OVGP1: variants seen among roughly 807,000 people sequenced by gnomAD.
The protein encoded by OVGP1 is oviduct-specific glycoprotein.
A neutral mutation model predicts 48.2 loss-of-function variants in OVGP1; 26 were observed. The ratio of observed to expected loss-of-function variants is 0.54; its 90% CI spans 0.40 to 0.75. The LOEUF (loss-of-function observed/expected upper bound fraction) is 0.75. Ranked by LOEUF, OVGP1 falls within the 30% of genes least tolerant of loss-of-function variation. OVGP1 has a pLI of 0.00. For synonymous variants in OVGP1, 294 were observed against 305.7 expected, an observed-to-expected ratio of 0.96 and a Z score of 0.40; for missense variants, 791 against 820.6, an observed-to-expected ratio of 0.96 and a Z score of 0.44.
intron 9 of OVGP1, among the ~76,000 whole-genome samples, chr1:111,417,464 G>A (rs539838124): frequency 3.9e-5 from 6 of 152,346 alleles, no homozygotes; most frequent in African/African-American, 1.4e-4. Flanking sequence ...ATAGCTGTGT[G>A]CCTTAGCCAA....
intron 7 of OVGP1, 44 bp downstream of exon 7, chr1:111,421,521 G>C (rs551388650): frequency 1.2e-6 from 2 of 1,608,248 alleles, no homozygotes; most frequent in Admixed American, 1.7e-5. Context: ...CCTGAGCTCA[G>C]GGGGGCAGAT....
chr1:111,419,571 G>A, intron 9 of OVGP1, 39 bp downstream of exon 9: 1 of 1,212,360 alleles, frequency 8.2e-7, no homozygotes, highest in Non-Finnish European at 1.2e-6. Flanking sequence ...AAACCGGTAG[G>A]AAACCATGTG....
In OVGP1 at chr1:111,414,932, G is replaced by C; in HGVS notation, c.1569C>G (p.Thr523=). 1 of 800,312 alleles carries C rather than the reference G, an allele frequency of 1.2e-6. No homozygotes were observed. Among genetic ancestry groups the C allele is most frequent in the South Asian group, 2.4e-5 (1 of 41,586 alleles). 49.6% of individuals were successfully genotyped at this position (800,312 alleles called of 1,614,324 possible). Residue 523 remains threonine (T), a synonymous_variant, in exon 11 of 11, where the codon ACC becomes ACG. Coordinates refer to ENST00000369732, the MANE Select transcript of OVGP1 (RefSeq NM_002557.4). ...GYQSVTPGEK[T]LTPVGHQSVT... is the part of the protein sequence containing the mutation. ...CAGACTGATGACCCACAGGGGTCAG[G>C]GTCTTTTCCCCAGGGGTCACAGACT...
intron 10 of OVGP1, among the ~76,000 whole-genome samples, chr1:111,415,584 C>A (rs1652114876): frequency 6.6e-6 from 1 of 152,214 alleles, no homozygotes. Flanking sequence ...GGATTTGCTA[C>A]ATTTTCCATG....
intron 9 of OVGP1, 30 bp from the exon 10 acceptor site, chr1:111,416,488 G>A: frequency 6.3e-7 from 1 of 1,581,846 alleles, no homozygotes; most frequent in Non-Finnish European, 8.6e-7. Context: ...TCAACCTGCT[G>A]TACTTGTCAG....
At chr1:111,425,749 T>C (rs1652383671) in intron 3 of OVGP1, among the ~76,000 whole-genome samples, 1 of 152,214 alleles carries the variant, frequency 6.6e-6, no homozygotes, top group African/African-American at 2.4e-5. Flanking sequence ...TTTCTCTTTT[T>C]CCTATTCAAC....
rs1469510635 is a variant in OVGP1 at position 111,419,655 on chromosome 1, C to T, written c.975G>A (p.Gly325=). The T allele has an allele frequency of 6.2e-7, 1 of 1,613,568 alleles. No homozygotes were observed. Among genetic ancestry groups the T allele is most frequent in the Admixed American group, 1.7e-5 (1 of 60,030 alleles). The change falls in exon 9 of 11, where the codon GGG becomes GGA. Residue 325 remains glycine (G), a synonymous_variant. Transcript: ENST00000369732. ...DYQYVPYANK[G]KEWVGYDNAI... is the part of the protein sequence containing the mutation. ...CATTGTCATAGCCAACCCACTCTTTCCCCTTGTTGGCATACGGGACATACT... is the reference window on the plus strand; with the variant it reads ...CATTGTCATAGCCAACCCACTCTTTTCCCTTGTTGGCATACGGGACATACT...
Position 111,414,390 on chromosome 1 carries a change from G to T in OVGP1, c.*74C>A. 7.3e-7 allele frequency: 1 copy of T among 1,366,912 alleles called. No individual in the cohort carries two copies. Among genetic ancestry groups the T allele is most frequent in the Non-Finnish European group, 1.0e-6 (1 of 1,004,510 alleles). The allele number at this position is 1,366,912 out of a possible 1,614,324, so 84.7% of individuals were successfully genotyped here. On this transcript the variant is annotated 3_prime_UTR_variant, in exon 11 of 11. Transcript: ENST00000369732. ...TGGTTTTGATGCCTGCTTTGCCCCGGGATGAGAAGGCTTCCAACATGTCAC... is the reference window on the plus strand; with the variant it reads ...TGGTTTTGATGCCTGCTTTGCCCCGTGATGAGAAGGCTTCCAACATGTCAC...
In OVGP1 at chr1:111,414,599, A is replaced by C; in HGVS notation, c.1902T>G (p.Thr634=). 6.2e-7 allele frequency: 1 copy of C among 1,614,156 alleles called. No homozygotes were observed. The highest frequency in any genetic ancestry group is 1.1e-5 in the South Asian group (1 of 91,082). The part of the protein sequence containing the change: ...SSPVIQLPEQ[T]PLAFDNRFVP... ...CAAAGCGGTTGTCAAAAGCTAGAGG[A>C]GTTTGTTCCGGGAGCTGGATGACGG... is the stretch of plus-strand genomic sequence containing the variant. Residue 634 remains threonine, a synonymous_variant, in exon 11 of 11, where the codon ACT becomes ACG. Transcript: ENST00000369732.
chr1:111,416,231 C>A, intron 10 of OVGP1, 92 bp downstream of exon 10: 1 of 1,328,156 alleles, frequency 7.5e-7, no homozygotes, highest in South Asian at 2.1e-5. Context: ...TGTCATGTTG[C>A]CTCACCAAGG....
At position 111,414,366 on chromosome 1, in the gene OVGP1, G is replaced by T. The variant is rs41282506; in HGVS notation, c.*98C>A. 4,506 of 1,043,404 alleles carry T rather than the reference G, an allele frequency of 4.3e-3. 18 individuals are homozygous for T. The highest frequency in any genetic ancestry group is 5.7e-3 in the Non-Finnish European group (4,080 of 716,824). The allele number at this position is 1,043,404 out of a possible 1,614,324, so 64.6% of individuals were successfully genotyped here. On this transcript the variant is annotated 3_prime_UTR_variant, in exon 11 of 11. Transcript: ENST00000369732. The stretch of plus-strand genomic sequence containing the variant: ...AATGGAAAAGAGATTGGCCTATTCT[G>T]GTTTTGATGCCTGCTTTGCCCCGGG...
Position 111,415,247 on chromosome 1 carries a change from G to A in OVGP1, c.1254C>T (p.Thr418=), listed in dbSNP as rs972099255. 1.2e-6 allele frequency: 2 copies of A among 1,614,056 alleles called. No homozygotes were observed. Among genetic ancestry groups the A allele is most frequent in the African/African-American group, 2.7e-5 (2 of 74,904 alleles). Reference sequence around the variant, plus strand: ...CTGGGGGCAAAATCTTACTATCAGTGGTCCATGCCGTGGTCACAGCCAGCC... The same window carrying A: ...CTGGGGGCAAAATCTTACTATCAGTAGTCCATGCCGTGGTCACAGCCAGCC... The part of the protein sequence containing the change: ...PERLAVTTAW[T]TDSKILPPGG... The change falls in exon 11 of 11, where the codon ACC becomes ACT. Residue 418 remains threonine (T), a synonymous_variant. Coordinates refer to ENST00000369732, the MANE Select transcript of OVGP1 (RefSeq NM_002557.4).
At chr1:111,424,885 C>T (rs963770474) in intron 4 of OVGP1, among the ~76,000 whole-genome samples, 1 of 152,354 alleles carries the variant, frequency 6.6e-6, no homozygotes, top group South Asian at 2.1e-4. Flanking sequence ...CACGTTGTCT[C>T]ATGGAGATTG....
intron 5 of OVGP1, among the ~76,000 whole-genome samples, chr1:111,423,271 C>A (rs1340159974): frequency 6.6e-6 from 1 of 152,154 alleles, no homozygotes; most frequent in African/African-American, 2.4e-5. Flanking sequence ...GGCTCAGAAG[C>A]ACAGAATTCA....
intron 4 of OVGP1, 98 bp from the exon 5 acceptor site, chr1:111,423,806 C>A: frequency 1.7e-6 from 2 of 1,173,220 alleles, no homozygotes; most frequent in Non-Finnish European, 1.2e-6. Context: ...GTGGGCCTGG[C>A]AGATGTGGCT....
At chr1:111,416,742 C>T (rs779426197) in intron 9 of OVGP1, 7 of 278,816 alleles carry the variant, frequency 2.5e-5, no homozygotes, top group East Asian at 6.1e-5. Flanking sequence ...ATATTACATA[C>T]GATATGGATG....
chr1:111,414,697 C>T lies in OVGP1; in HGVS notation c.1804G>A (p.Gly602Ser), dbSNP rs753105852. The T allele has an allele frequency of 3.4e-5, 55 of 1,613,836 alleles. No individual in the cohort carries two copies. Among genetic ancestry groups the T allele is most frequent in the Non-Finnish European group, 4.4e-5 (52 of 1,179,850 alleles). Reference protein sequence around the residue: ...LRGENLTSEVGTHPRMGNLGL... With the variant: ...LRGENLTSEVSTHPRMGNLGL... ...AAGTTACCCATCCTGGGGTGAGTGCCCACCTCAGAAGTCAAATTCTCCCCT... is the reference window on the plus strand; with the variant it reads ...AAGTTACCCATCCTGGGGTGAGTGCTCACCTCAGAAGTCAAATTCTCCCCT... The change falls in exon 11 of 11, where the codon GGC becomes AGC. Residue 602 changes from glycine (G) to serine (S), a missense_variant. By Grantham distance (56) the Gly-to-Ser change is moderately conservative (BLOSUM62 0). Coordinates refer to ENST00000369732, the MANE Select transcript of OVGP1 (RefSeq NM_002557.4).
Position 111,414,609 on chromosome 1 carries a change from G to A in OVGP1, c.1892C>T (p.Pro631Leu), listed in dbSNP as rs1334653489. ...GTCAAAAGCTAGAGGAGTTTGTTCCGGGAGCTGGATGACGGGGCTGGAGGA... is the reference window on the plus strand; with the variant it reads ...GTCAAAAGCTAGAGGAGTTTGTTCCAGGAGCTGGATGACGGGGCTGGAGGA... ...MLSSSPVIQLPEQTPLAFDNR... is the reference protein window; with the variant it reads ...MLSSSPVIQLLEQTPLAFDNR... The change falls in exon 11 of 11, where the codon CCG becomes CTG. Residue 631 changes from proline to leucine, a missense_variant. Physicochemically the swap from Pro to Leu is moderately conservative, Grantham distance 98. Coordinates refer to ENST00000369732, the MANE Select transcript of OVGP1 (RefSeq NM_002557.4). 1.2e-5 allele frequency: 20 copies of A among 1,614,032 alleles called. No individual in the cohort carries two copies. The highest frequency in any genetic ancestry group is 3.3e-5 in the South Asian group (3 of 91,080).
At chr1:111,426,311 C>A (rs1290417465) in intron 3 of OVGP1, 126 bp downstream of exon 3, 2 of 1,345,624 alleles carry the variant, frequency 1.5e-6, no homozygotes, top group Non-Finnish European at 2.0e-6. Context: ...TGCTCTGGAC[C>A]CCTATTTGAG....
Sources: allele counts gnomAD v4.1 joint callset (sites outside exome capture counted in the v4.1 genomes callset), GRCh38; gene constraint gnomAD v4.1.1; transcripts MANE v1.5; gene names NCBI Gene and HGNC (gene_info 2026-07-23, HGNC 2026-07-21).